The following CELSR1 variants were observed in gnomAD, a reference collection of about 807,000 sequenced individuals.
CELSR1 encodes cadherin EGF LAG seven-pass G-type receptor 1, also known as adhesion G protein-coupled receptor C1.
Under a neutral mutation model 249.1 loss-of-function variants are expected in CELSR1, and 110 were observed. The ratio of observed to expected loss-of-function variants is 0.44; its 90% CI spans 0.38 to 0.52. The LOEUF (loss-of-function observed/expected upper bound fraction) is 0.52. CELSR1 is among the 20% of genes least tolerant of loss of function. The pLI is 0.00. For synonymous variants in CELSR1, 2,113 were observed against 1,900.0 expected (o/e 1.11, Z -2.92); for missense variants, 4,109 against 4,296.4 (o/e 0.96, Z 1.22).
intron 12 of CELSR1, among the ~76,000 whole-genome samples, chr22:46,397,357 G>A (rs894160810): frequency 1.6e-4 from 22 of 139,628 alleles, no homozygotes; most frequent in African/African-American, 5.6e-4. Flanking sequence ...CTGGCTTCAA[G>A]TGATCCACCC....
At chr22:46,509,343 T>C (rs1349040973) in intron 1 of CELSR1, among the ~76,000 whole-genome samples, 2 of 152,120 alleles carry the variant, frequency 1.3e-5, no homozygotes, top group South Asian at 2.1e-4. Flanking sequence ...GAGGGGGTGA[T>C]GGGTACCCCA....
At chr22:46,372,648 G>T (rs372277166) in intron 25 of CELSR1, among the ~76,000 whole-genome samples, 2 of 152,134 alleles carry the variant, frequency 1.3e-5, no homozygotes, top group East Asian at 3.9e-4. Flanking sequence ...AAATAACCCT[G>T]AACAGACCTG....
At chr22:46,442,397 G>A (rs539223012) in intron 2 of CELSR1, among the ~76,000 whole-genome samples, 4 of 152,298 alleles carry the variant, frequency 2.6e-5, no homozygotes, top group Admixed American at 1.3e-4. Flanking sequence ...ATCCCCGAGG[G>A]GCCATCCCAG....
At chr22:46,385,975 CT>C (rs562430150) in intron 19 of CELSR1, among the ~76,000 whole-genome samples, 149 of 137,432 alleles carry the variant, frequency 1.1e-3, no homozygotes, top group Admixed American at 9.9e-4. Context: ...CCGCGCCCGG[CT>C]TTTTTTTTTT....
In CELSR1 at chr22:46,465,906, G is replaced by A. The variant is rs145383599; in HGVS notation, c.3545-1561C>T. Among the ~76,000 whole-genome samples, 993 of 152,332 alleles carry A rather than the reference G, an allele frequency of 6.5e-3. 8 individuals are homozygous for A. Among genetic ancestry groups the A allele is most frequent in the African/African-American group, 0.023 (938 of 41,568 alleles). On this transcript the variant is annotated intron_variant, in intron 1 of 34. Coordinates refer to ENST00000674500, the MANE Select transcript of CELSR1 (RefSeq NM_001378328.1). ...AGCTCCCACCCCAGTAACGACACTCGGGTCATGCCCTGGGTGCTGTTGCTC... is the reference window on the plus strand; with the variant it reads ...AGCTCCCACCCCAGTAACGACACTCAGGTCATGCCCTGGGTGCTGTTGCTC...
Position 46,421,124 on chromosome 22 carries a change from G to A in CELSR1, c.4612-9365C>T, listed in dbSNP as rs191491770. ...CTCCAGGAGCTAACATGAGGATCACGTGGGGGACACACATGAGCCTGGCAC... is the reference window on the plus strand; with the variant it reads ...CTCCAGGAGCTAACATGAGGATCACATGGGGGACACACATGAGCCTGGCAC... On this transcript the variant is annotated intron_variant, in intron 5 of 34. Coordinates refer to ENST00000674500, the MANE Select transcript of CELSR1 (RefSeq NM_001378328.1). Among the ~76,000 whole-genome samples the A allele has an allele frequency of 1.1e-4, 16 of 152,322 alleles. No individual in the cohort carries two copies. In the East Asian group the frequency reaches 2.5e-3, roughly 24 times the overall value.
intron 31 of CELSR1, 97 bp from the exon 32 acceptor site, chr22:46,365,477 G>A (rs75999278): frequency 0.053 from 82,339 of 1,552,628 alleles, 2,466 homozygotes; most frequent in Non-Finnish European, 0.06. Flanking sequence ...GCATGCTGAC[G>A]CTGAGCATGG....
chr22:46,417,140 G>C lies in CELSR1; in HGVS notation c.4612-5381C>G, dbSNP rs929018992. Among the ~76,000 whole-genome samples, 3 of 152,158 alleles carry C rather than the reference G, an allele frequency of 2.0e-5. No homozygotes were observed. Among genetic ancestry groups the C allele is most frequent in the Non-Finnish European group, 4.4e-5 (3 of 68,046 alleles). ...AACGTTCCATGCTGTCATTTCTCAAGATGACAAAGTTCAGGCCTGTCTGGC... is the reference window on the plus strand; with the variant it reads ...AACGTTCCATGCTGTCATTTCTCAACATGACAAAGTTCAGGCCTGTCTGGC... On this transcript the variant is annotated intron_variant, in intron 5 of 34. Transcript: ENST00000674500. This position sits in a 1 kb window ranked among gnomAD's most constrained non-coding sequence, Gnocchi z 4.1.
rs187765273 is a variant in CELSR1, at chr22:46,425,008, C to T, written c.4611+8385G>A. On this transcript the variant is annotated intron_variant, in intron 5 of 34. Transcript: ENST00000674500. The stretch of plus-strand genomic sequence containing the variant: ...ACAAAAAAACACAATGTCATACAAA[C>T]GGAATCACATAGTATGGTCCTTTTG... 2.3e-3 allele frequency among the ~76,000 whole-genome samples: 345 copies of T among 152,340 alleles called. 2 individuals are homozygous for T. Among genetic ancestry groups the T allele is most frequent in the African/African-American group, 7.7e-3 (321 of 41,576 alleles).
At chr22:46,419,623 A>G (rs1048941959) in intron 5 of CELSR1, among the ~76,000 whole-genome samples, 2 of 152,220 alleles carry the variant, frequency 1.3e-5, no homozygotes, top group Non-Finnish European at 2.9e-5. Flanking sequence ...AAACTTCAGG[A>G]AGGATGGCAG....
intron 2 of CELSR1, among the ~76,000 whole-genome samples, chr22:46,451,343 G>A (rs970659343): frequency 6.6e-6 from 1 of 152,230 alleles, no homozygotes; most frequent in South Asian, 2.1e-4. Flanking sequence ...CCTTCTCTGC[G>A]TGACTGCATT....
At chr22:46,367,140 C>T (rs1292558318) in intron 28 of CELSR1, 22 bp from the exon 29 acceptor site, 9 of 1,606,390 alleles carry the variant, frequency 5.6e-6, no homozygotes, top group Non-Finnish European at 6.8e-6. Flanking sequence ...AAGGTGGGGT[C>T]AGCACCTGCT....
In CELSR1 at chr22:46,373,486, GTGGGGGGGGCAGCTTCACGCCCAGCGCTC is replaced by G. The variant is rs1171347646; in HGVS notation, c.7585-458_7585-430del. 2.0e-4 allele frequency among the ~76,000 whole-genome samples: 28 copies of G among 141,518 alleles called. No homozygotes were observed. The South Asian group carries it at 2.7e-3, about 14-fold the overall frequency. The allele number at this position is 141,518 out of a possible 152,430, so 92.8% of individuals were successfully genotyped here. ...GCAGCTTCACACCCAGTGCTCTGGG[GTGGGGGGGGCAGCTTCACGCCCAGCGCTC>G]TGGGAGGGGCAGCTTCGTGCCCAGT... On this transcript the variant is annotated intron_variant, in intron 24 of 34. Coordinates refer to ENST00000674500, the MANE Select transcript of CELSR1 (RefSeq NM_001378328.1).
rs1256929088 is a variant in CELSR1 at position 46,464,042 on chromosome 22, T to G, written c.3848A>C (p.Gln1283Pro). ...QFFPSEDLQE[Q>P]IYLNRTLLTT... The stretch of plus-strand genomic sequence containing the variant: ...CAGCAGCGTCCGATTCAGGTAGATC[T>G]GCTCCTGCAGGTCCTCCGACGGGAA... The change falls in exon 2 of 35, where the codon CAG becomes CCG. Residue 1283 changes from glutamine (Q) to proline (P), a missense_variant. Physicochemically the swap from Gln to Pro is moderately conservative, Grantham distance 76. Coordinates refer to ENST00000674500, the MANE Select transcript of CELSR1 (RefSeq NM_001378328.1). This position sits in a 1 kb window ranked among gnomAD's most constrained non-coding sequence, Gnocchi z 8.5. 2.5e-6 allele frequency: 4 copies of G among 1,613,686 alleles called. No individual in the cohort carries two copies. The highest frequency in any genetic ancestry group is 3.4e-6 in the Non-Finnish European group (4 of 1,180,044).
rs141370892 is a variant in CELSR1, at chr22:46,535,230, G to A, written c.1941C>T (p.Arg647=). 3 of 1,609,734 alleles carry A rather than the reference G, an allele frequency of 1.9e-6. No homozygotes were observed. Among genetic ancestry groups the A allele is most frequent in the South Asian group, 2.2e-5 (2 of 91,074 alleles). The change falls in exon 1 of 35, where the codon CGC becomes CGT. Residue 647 remains arginine, a synonymous_variant. Coordinates refer to ENST00000674500, the MANE Select transcript of CELSR1 (RefSeq NM_001378328.1). The part of the protein sequence containing the change: ...GWITVCAELD[R]EEVEHYSFGV... Reference sequence around the variant, plus strand: ...CGAAGCTGTAGTGCTCCACCTCCTCGCGGTCCAGCTCGGCACACACTGTGA... The same window carrying A: ...CGAAGCTGTAGTGCTCCACCTCCTCACGGTCCAGCTCGGCACACACTGTGA...
At chr22:46,397,911 A>G in intron 11 of CELSR1, 63 bp from the exon 12 acceptor site, 1 of 1,312,996 alleles carries the variant, frequency 7.6e-7, no homozygotes, top group Non-Finnish European at 1.0e-6. Context: ...GGTTAAGGGA[A>G]CCCTGAGACC....
intron 18 of CELSR1, 43 bp downstream of exon 18, chr22:46,389,247 G>A: frequency 8.8e-6 from 14 of 1,590,162 alleles, no homozygotes; most frequent in Non-Finnish European, 1.2e-5. Flanking sequence ...GCATCCGAGT[G>A]TCCCCGAGTG....
chr22:46,478,922 C>T (rs141435606), intron 1 of CELSR1, among the ~76,000 whole-genome samples: 1 of 152,104 alleles, frequency 6.6e-6, no homozygotes, highest in Non-Finnish European at 1.5e-5. Context: ...GCTCAGAGCT[C>T]TCAGGCTCTT....
At chr22:46,520,031 C>A (rs576600843) in intron 1 of CELSR1, among the ~76,000 whole-genome samples, 1 of 152,256 alleles carries the variant, frequency 6.6e-6, no homozygotes, top group South Asian at 2.1e-4. Context: ...GCTACCACAT[C>A]CAGCTAATTT....
Sources: allele counts gnomAD v4.1 joint callset (sites outside exome capture counted in the v4.1 genomes callset), GRCh38; gene constraint gnomAD v4.1.1; non-coding constraint Gnocchi (gnomAD v3.1); transcripts MANE v1.5; gene names NCBI Gene and HGNC (gene_info 2026-07-23, HGNC 2026-07-21).